The following PTPRT variants were observed in gnomAD, a reference collection of about 807,000 sequenced individuals.
PTPRT encodes receptor-type tyrosine-protein phosphatase T.
PTPRT carries 56 observed loss-of-function variants against 176.8 expected under a neutral mutation model. That is an observed-to-expected ratio of 0.32 (90% CI 0.26 to 0.40). The LOEUF is 0.40. Among genes scored for constraint, PTPRT ranks in the 10% least tolerant of loss-of-function variants. PTPRT has a pLI of 1.00. For missense variants in PTPRT, 1,540 were observed against 1,908.2 expected, an observed-to-expected ratio of 0.81 and a Z score of 3.60; for synonymous variants, 783 against 739.0, an observed-to-expected ratio of 1.06 and a Z score of -0.96.
chr20:42,653,204 C>T lies in PTPRT; in HGVS notation c.1153+24662G>A, dbSNP rs373526871. Among the ~76,000 whole-genome samples, 150 of 152,260 alleles carry T rather than the reference C, an allele frequency of 9.9e-4. 1 individual carries two copies. The highest frequency in any genetic ancestry group is 3.4e-3 in the African/African-American group (143 of 41,558). On this transcript the variant is annotated intron_variant, in intron 7 of 30. Coordinates refer to ENST00000373187, the MANE Select transcript of PTPRT (RefSeq NM_007050.6). ...ATGGTTTTATAAGGGGCTTTTCCCC[C>T]ACTTGCCCTACACTTCTCCTTGCTG...
intron 15 of PTPRT, among the ~76,000 whole-genome samples, chr20:42,200,372 T>TGC (rs1265493492): frequency 1.3e-5 from 2 of 152,212 alleles, no homozygotes; most frequent in Non-Finnish European, 2.9e-5. Flanking sequence ...CAGAGCACAG[T>TGC]GCCTCGCACA....
chr20:43,033,875 C>T (rs983255094), intron 1 of PTPRT, among the ~76,000 whole-genome samples: 2 of 152,120 alleles, frequency 1.3e-5, no homozygotes, highest in South Asian at 2.1e-4. Flanking sequence ...ATTGAAACCC[C>T]GGAACATCCA....
At chr20:42,773,001 G>A (rs1471468983) in intron 4 of PTPRT, among the ~76,000 whole-genome samples, 1 of 152,106 alleles carries the variant, frequency 6.6e-6, no homozygotes, top group African/African-American at 2.4e-5. Context: ...ATTCAATCCA[G>A]GTCCACTTTA....
At chr20:42,999,983 T>C (rs1984458836) in intron 1 of PTPRT, among the ~76,000 whole-genome samples, 1 of 148,564 alleles carries the variant, frequency 6.7e-6, no homozygotes. Context: ...TCAGTGGCTC[T>C]GAAACAAGAT....
rs2146312140 is a variant in PTPRT, at chr20:42,115,287, T to A, written c.3011A>T (p.Asp1004Val). The change falls in exon 22 of 31, where the codon GAC becomes GTC. Residue 1004 changes from aspartate (D) to valine (V), a missense_variant. Physicochemically the swap from Asp to Val is radical, Grantham distance 152 (BLOSUM62 -3). Transcript: ENST00000373187. ...RVKCVRYWPD[D>V]TEVYGDIKVT... ...TTTAATGTCTCCGTAGACCTCCGTG[T>A]CATCTGGCCAGTATCGCACACATTT... 6.2e-7 allele frequency: 1 copy of A among 1,614,118 alleles called. No homozygotes were observed. The highest frequency in any genetic ancestry group is 8.5e-7 in the Non-Finnish European group (1 of 1,179,986).
At chr20:42,840,558 A>G (rs952859079) in intron 2 of PTPRT, among the ~76,000 whole-genome samples, 1 of 152,010 alleles carries the variant, frequency 6.6e-6, no homozygotes, top group Admixed American at 6.6e-5. Context: ...GATTACAGGC[A>G]TGCACCACCA....
At chr20:43,187,839 A>G (rs1349228803) in intron 1 of PTPRT, among the ~76,000 whole-genome samples, 4 of 152,258 alleles carry the variant, frequency 2.6e-5, no homozygotes. Context: ...CTGAATAAAC[A>G]CATTACTCAT....
intron 15 of PTPRT, among the ~76,000 whole-genome samples, chr20:42,209,293 G>T (rs551931585): frequency 6.6e-6 from 1 of 151,944 alleles, no homozygotes; most frequent in African/African-American, 2.4e-5. Flanking sequence ...AAATAACTAA[G>T]ATCAGAGCAG....
intron 1 of PTPRT, among the ~76,000 whole-genome samples, chr20:42,925,133 G>A (rs1046447994): frequency 2.6e-5 from 4 of 152,158 alleles, no homozygotes; most frequent in African/African-American, 4.8e-5. Flanking sequence ...CAGAAATGCT[G>A]GCTTTTAGGC....
intron 7 of PTPRT, among the ~76,000 whole-genome samples, chr20:42,595,941 T>C (rs1414833776): frequency 1.3e-5 from 2 of 152,184 alleles, no homozygotes; most frequent in East Asian, 1.9e-4. Context: ...CCTGCCTACT[T>C]GTTCATTTTT....
intron 6 of PTPRT, among the ~76,000 whole-genome samples, chr20:42,741,383 C>T (rs936257259): frequency 5.3e-5 from 8 of 152,076 alleles, no homozygotes; most frequent in African/African-American, 9.7e-5. Context: ...TTGCTCTTGT[C>T]GCCCAGACTG....
chr20:42,171,971 A>T (rs1470077105), intron 16 of PTPRT, among the ~76,000 whole-genome samples: 2 of 152,144 alleles, frequency 1.3e-5, no homozygotes, highest in East Asian at 3.9e-4. Context: ...TCTTATCCCC[A>T]TAGGAGAGAG....
At chr20:42,740,957 A>C (rs1369714229) in intron 6 of PTPRT, among the ~76,000 whole-genome samples, 1 of 152,180 alleles carries the variant, frequency 6.6e-6, no homozygotes, top group Non-Finnish European at 1.5e-5. Context: ...GAGGTCTATT[A>C]TACCCCAAAG....
chr20:42,482,800 G>T (rs1228555858), intron 7 of PTPRT, among the ~76,000 whole-genome samples: 3 of 151,800 alleles, frequency 2.0e-5, no homozygotes, highest in Admixed American at 2.0e-4. Flanking sequence ...TTTTTCCCAC[G>T]GCTTAGCTCG....
intron 15 of PTPRT, among the ~76,000 whole-genome samples, chr20:42,216,891 T>C (rs2055784011): frequency 6.6e-6 from 1 of 152,212 alleles, no homozygotes; most frequent in African/African-American, 2.4e-5. Context: ...TAAGCAGGCA[T>C]TGTTGGTCTC....
At chr20:43,105,682 G>A (rs1163467905) in intron 1 of PTPRT, among the ~76,000 whole-genome samples, 2 of 152,208 alleles carry the variant, frequency 1.3e-5, no homozygotes, top group Non-Finnish European at 1.5e-5. Flanking sequence ...TTAAAGGTGT[G>A]AGCCACCGCA....
At chr20:42,302,777 C>G (rs1016955880) in intron 12 of PTPRT, among the ~76,000 whole-genome samples, 2 of 152,152 alleles carry the variant, frequency 1.3e-5, no homozygotes, top group Non-Finnish European at 2.9e-5. Flanking sequence ...ATTCATATCT[C>G]CTTACAGAGG....
chr20:42,712,891 T>C (rs6030431), intron 6 of PTPRT, among the ~76,000 whole-genome samples: 7,014 of 152,176 alleles, frequency 0.046, 470 homozygotes, highest in East Asian at 0.24. Flanking sequence ...TGCCCACCTA[T>C]AGAACCCAAG....
intron 8 of PTPRT, among the ~76,000 whole-genome samples, chr20:42,456,413 G>T (rs1236269076): frequency 4.6e-5 from 7 of 151,944 alleles, no homozygotes; most frequent in African/African-American, 1.4e-4. Context: ...GTCTTTAATA[G>T]AAATGATGAT....
Sources: gnomAD v4.1 joint callset for allele counts (sites outside exome capture counted in the v4.1 genomes callset) on GRCh38, gnomAD v4.1.1 for gene constraint, MANE v1.5 for transcripts, NCBI Gene and HGNC (gene_info 2026-07-23, HGNC 2026-07-21) for gene names.